The following PNLIPRP1 variants were observed in gnomAD, a reference collection of about 807,000 sequenced individuals.
The protein encoded by PNLIPRP1 is inactive pancreatic lipase-related protein 1.
Under a neutral mutation model 54.6 loss-of-function variants are expected in PNLIPRP1, and 57 were observed. That is an observed-to-expected ratio of 1.04 (90% CI 0.84 to 1.30). The LOEUF (loss-of-function observed/expected upper bound fraction) is 1.30, where lower values mean the gene tolerates loss of function less well. PNLIPRP1 is among the 50% of genes most tolerant of loss of function. The pLI is 0.00. For synonymous variants in PNLIPRP1, 232 were observed against 208.8 expected (o/e 1.11, Z -0.96); for missense variants, 567 against 568.5 (o/e 1.00, Z 0.03).
chr10:116,604,033 G>T lies in PNLIPRP1; in HGVS notation c.1067G>T (p.Trp356Leu), dbSNP rs76505034. Residue 356 changes from tryptophan to leucine, a missense_variant, in exon 11 of 13, where the codon TGG becomes TTG. By Grantham distance (61) the Trp-to-Leu change is moderately conservative (BLOSUM62 -2). Transcript: ENST00000358834. ...NTGEASNFAR[W>L]RYGVSITLSG... ...AACTCTTCCATCTCCTGTGCAGGCTGGAGATATGGGGTTTCCATCACACTG... is the reference window on the plus strand; with the variant it reads ...AACTCTTCCATCTCCTGTGCAGGCTTGAGATATGGGGTTTCCATCACACTG... 338 of 1,605,776 alleles carry T rather than the reference G, an allele frequency of 2.1e-4. 3 individuals are homozygous for T. The African/African-American group carries it at 4.1e-3, about 19-fold the overall frequency.
chr10:116,601,350 G>A, intron 10 of PNLIPRP1, 149 bp downstream of exon 10: 1 of 729,524 alleles, frequency 1.4e-6, no homozygotes, highest in African/African-American at 1.8e-5. Context: ...GCAGTTACAA[G>A]TAAACTGAGG....
At chr10:116,602,298 C>T (rs955702120) in intron 10 of PNLIPRP1, among the ~76,000 whole-genome samples, 5 of 151,986 alleles carry the variant, frequency 3.3e-5, no homozygotes, top group Admixed American at 6.6e-5. Flanking sequence ...GGATTACAGG[C>T]GTGAGCCACC....
chr10:116,593,359 TACC>T (rs1297418267), intron 4 of PNLIPRP1, among the ~76,000 whole-genome samples: 3 of 152,066 alleles, frequency 2.0e-5, no homozygotes, highest in Admixed American at 1.3e-4. Flanking sequence ...GCGTGCAATA[TACC>T]ACAATATACC....
At chr10:116,597,323 C>T (rs1847753853) in intron 6 of PNLIPRP1, among the ~76,000 whole-genome samples, 1 of 152,172 alleles carries the variant, frequency 6.6e-6, no homozygotes, top group African/African-American at 2.4e-5. Context: ...CAAATAGATG[C>T]CATTATCACC....
At position 116,609,169 on chromosome 10, in the gene PNLIPRP1, A is replaced by G; in HGVS notation, c.*53A>G. On this transcript the variant is annotated 3_prime_UTR_variant, in exon 13 of 13. Coordinates refer to ENST00000358834, the MANE Select transcript of PNLIPRP1 (RefSeq NM_006229.4). ...TCACACTAATAAAATCCACTGGTGC[A>G]TCTGTATGCTCTGGGTCTATCTCCT... The G allele has an allele frequency of 7.6e-7, 1 of 1,309,988 alleles. No homozygotes were observed. The highest frequency in any genetic ancestry group is 1.5e-5 in the African/African-American group (1 of 68,306). The allele number at this position is 1,309,988 out of a possible 1,614,324, so 81.1% of individuals were successfully genotyped here. A position where few individuals can be genotyped will look rare whatever the true frequency, so the allele number is the denominator to read the frequency against.
At chr10:116,594,121 A>T (rs895208261) in intron 4 of PNLIPRP1, among the ~76,000 whole-genome samples, 27 of 152,154 alleles carry the variant, frequency 1.8e-4, no homozygotes, top group African/African-American at 6.0e-4. Flanking sequence ...CAAGCTGGTA[A>T]TATGTACTGC....
At chr10:116,591,079 A>G in intron 1 of PNLIPRP1, 51 bp from the exon 2 acceptor site, 1 of 1,480,342 alleles carries the variant, frequency 6.8e-7, no homozygotes, top group South Asian at 1.1e-5. Context: ...GTCGGTGCTC[A>G]CTGCTCTGGC....
intron 12 of PNLIPRP1, among the ~76,000 whole-genome samples, chr10:116,607,257 A>G (rs1031493793): frequency 6.6e-6 from 1 of 151,090 alleles, no homozygotes; most frequent in African/African-American, 2.4e-5. Flanking sequence ...TGGTAAATGT[A>G]CCCTTGCAAA....
intron 12 of PNLIPRP1, among the ~76,000 whole-genome samples, chr10:116,607,890 T>C (rs1847962515): frequency 6.6e-6 from 1 of 152,252 alleles, no homozygotes; most frequent in Admixed American, 6.5e-5. Context: ...AATCTCGCTC[T>C]GTTGCCCAGG....
intron 4 of PNLIPRP1, 94 bp from the exon 5 acceptor site, chr10:116,594,636 G>C: frequency 7.4e-7 from 1 of 1,348,168 alleles, no homozygotes. Flanking sequence ...GCCCTAGCTA[G>C]GAGAAGAGAG....
In PNLIPRP1 at chr10:116,592,546, G is replaced by C. The variant is rs782803767; in HGVS notation, c.330+5G>C. The C allele has an allele frequency of 4.3e-6, 7 of 1,614,122 alleles. No homozygotes were observed. The highest frequency in any genetic ancestry group is 5.1e-6 in the Non-Finnish European group (6 of 1,180,020). ...TGGGTGACAGACATGTGCAAGGTAG[G>C]AGCCAGCTCTGATCCCTGTGGCCAG... On this transcript the variant is annotated splice_donor_5th_base_variant and intron_variant, in intron 4 of 12. Coordinates refer to ENST00000358834, the MANE Select transcript of PNLIPRP1 (RefSeq NM_006229.4).
intron 4 of PNLIPRP1, chr10:116,594,440 G>T (rs1191412495): frequency 9.7e-5 from 51 of 525,900 alleles, no homozygotes; most frequent in South Asian, 3.6e-4. Flanking sequence ...CTCTTTTCAT[G>T]ATGCAATTGT....
Position 116,600,152 on chromosome 10 carries a change from A to C in PNLIPRP1, c.920A>C (p.Lys307Thr), listed in dbSNP as rs782753215. Residue 307 changes from lysine (K) to threonine (T), a missense_variant, in exon 9 of 13, where the codon AAG (lysine) becomes ACG (threonine). Lys to Thr is a moderately conservative substitution (Grantham distance 78). Coordinates refer to ENST00000358834, the MANE Select transcript of PNLIPRP1 (RefSeq NM_006229.4). Reference sequence around the variant, plus strand: ...GCTGCATATCCCTGCACTTCCTACAAGTCCTTTGAGTCTGTAAGCTATTGT... The same window carrying C: ...GCTGCATATCCCTGCACTTCCTACACGTCCTTTGAGTCTGTAAGCTATTGT... ...GFAAYPCTSY[K>T]SFESDKCFPC... 7.5e-6 allele frequency: 12 copies of C among 1,603,870 alleles called. No individual in the cohort carries two copies. The African/African-American group carries it at 1.3e-4, about 18-fold the overall frequency.
Position 116,592,345 on chromosome 10 carries a change from G to A in PNLIPRP1, c.205-71G>A, listed in dbSNP as rs782362592. ...GAAAAGTAGAGGCATTGGCGCAGGC[G>A]GAGATGAGGAAGGAAAAAGGCCTGT... On this transcript the variant is annotated intron_variant, in intron 3 of 12. Coordinates refer to ENST00000358834, the MANE Select transcript of PNLIPRP1 (RefSeq NM_006229.4). The A allele has an allele frequency of 1.1e-4, 165 of 1,503,220 alleles. No individual in the cohort carries two copies. In the East Asian group the frequency reaches 1.9e-3, roughly 17 times the overall value. The allele number at this position is 1,503,220 out of a possible 1,614,324, so 93.1% of individuals were successfully genotyped here. A position where few individuals can be genotyped will look rare whatever the true frequency, so the allele number is the denominator to read the frequency against.
rs959649900 is a variant in PNLIPRP1, at chr10:116,600,118, G to T, written c.886G>T (p.Asp296Tyr). The change falls in exon 9 of 13, where the codon GAT becomes TAT. Residue 296 changes from aspartate to tyrosine, a missense_variant. Asp to Tyr is a radical substitution (Grantham distance 160). Transcript: ENST00000358834. ...TTACTTGGAAAGCATCCTCAATCCC[G>T]ATGGGTTTGCTGCATATCCCTGCAC... The part of the protein sequence containing the change: ...KYYLESILNP[D>Y]GFAAYPCTSY... 1.2e-6 allele frequency: 2 copies of T among 1,613,740 alleles called. No individual in the cohort carries two copies. The highest frequency in any genetic ancestry group is 1.7e-5 in the Admixed American group (1 of 60,010).
chr10:116,591,664 T>C, intron 2 of PNLIPRP1, 107 bp from the exon 3 acceptor site: 1 of 1,163,488 alleles, frequency 8.6e-7, no homozygotes, highest in Non-Finnish European at 1.2e-6. Context: ...TCATCCATTG[T>C]CTTCAGACTG....
At position 116,596,254 on chromosome 10, in the gene PNLIPRP1, G is replaced by T; in HGVS notation, c.506G>T (p.Gly169Val). The change falls in exon 6 of 13, where the codon GGC becomes GTC. Residue 169 changes from glycine to valine, a missense_variant. By Grantham distance (109) the Gly-to-Val change is moderately radical. Coordinates refer to ENST00000358834, the MANE Select transcript of PNLIPRP1 (RefSeq NM_006229.4). The part of the protein sequence containing the change: ...SYPPSKVHLI[G>V]HSLGAHVAGE... Reference sequence around the variant, plus strand: ...CCCCCTTCCAAAGTTCACCTCATTGGCCACAGCCTGGGAGCCCACGTGGCT... The same window carrying T: ...CCCCCTTCCAAAGTTCACCTCATTGTCCACAGCCTGGGAGCCCACGTGGCT... 6.2e-7 allele frequency: 1 copy of T among 1,613,856 alleles called. No individual in the cohort carries two copies. The highest frequency in any genetic ancestry group is 8.5e-7 in the Non-Finnish European group (1 of 1,179,830).
intron 2 of PNLIPRP1, 71 bp from the exon 3 acceptor site, chr10:116,591,700 C>T (rs1372393129): frequency 4.7e-6 from 7 of 1,502,318 alleles, no homozygotes; most frequent in East Asian, 2.3e-5. Context: ...GTGACCAGGC[C>T]CGAACAGCAG....
intron 2 of PNLIPRP1, 87 bp from the exon 3 acceptor site, chr10:116,591,684 A>G (rs1840346660): frequency 1.5e-6 from 2 of 1,361,882 alleles, no homozygotes; most frequent in Middle Eastern, 2.1e-4. Context: ...GTCCCTGAAT[A>G]GAAGAGTGAC....
Sources: gnomAD v4.1 joint callset for allele counts (sites outside exome capture counted in the v4.1 genomes callset) on GRCh38, gnomAD v4.1.1 for gene constraint, MANE v1.5 for transcripts, NCBI Gene and HGNC (gene_info 2026-07-23, HGNC 2026-07-21) for gene names.